SETD2: variants seen among roughly 807,000 people sequenced by gnomAD.
SETD2 encodes SET domain containing 2, histone lysine methyltransferase, also known as histone-lysine N-methyltransferase SETD2.
A neutral mutation model predicts 242.1 loss-of-function variants in SETD2; 31 were observed. The ratio of observed to expected loss-of-function variants is 0.13; its 90% CI spans 0.10 to 0.17. SETD2 has a LOEUF of 0.17. Ranked by LOEUF, SETD2 falls within the 10% of genes least tolerant of loss-of-function variation. The pLI is 1.00. For missense variants in SETD2, 2,481 were observed against 3,046.3 expected (o/e 0.81, Z 4.37); for synonymous variants, 1,006 against 1,066.5 (o/e 0.94, Z 1.11).
rs2107539885 is a variant in SETD2, at chr3:47,042,658, G to A, written c.7141C>T (p.Pro2381Ser). 1 of 1,611,982 alleles carries A rather than the reference G, an allele frequency of 6.2e-7. No individual in the cohort carries two copies. Among genetic ancestry groups the A allele is most frequent in the South Asian group, 1.1e-5 (1 of 90,740 alleles). Residue 2381 changes from proline to serine, a missense_variant, in exon 17 of 21, where the codon CCC (proline) becomes TCC (serine). Pro to Ser is a moderately conservative substitution (Grantham distance 74). Transcript: ENST00000409792. ...VTNNLLDLPP[P>S]SPPKPKTIVL... ...ATGGTTTTTGGTTTGGGAGGAGAGGGGGGCGGCAGATCCAAGAGATTATTT... is the reference window on the plus strand; with the variant it reads ...ATGGTTTTTGGTTTGGGAGGAGAGGAGGGCGGCAGATCCAAGAGATTATTT...
chr3:47,083,583 A>T (rs1228701286), intron 12 of SETD2, 137 bp downstream of exon 12: 2 of 814,412 alleles, frequency 2.5e-6, no homozygotes, highest in Admixed American at 5.1e-5. Flanking sequence ...AGACACTTAT[A>T]AATAAAACAG....
chr3:47,079,010 A>T (rs2041217813), intron 12 of SETD2, among the ~76,000 whole-genome samples: 1 of 119,948 alleles, frequency 8.3e-6, no homozygotes, highest in Non-Finnish European at 1.8e-5. Context: ...TAAAGTTCAG[A>T]AACAGAAAAC....
rs1040024726 is a variant in SETD2 at position 47,113,254 on chromosome 3, C to T, written c.4715+622G>A. 2.0e-5 allele frequency among the ~76,000 whole-genome samples: 3 copies of T among 152,046 alleles called. No individual in the cohort carries two copies. In the South Asian group the frequency reaches 6.2e-4, roughly 31 times the overall value. ...TAGCGCTGAGATTACAAGCATGAGC[C>T]ACTGCACCTGGCCTTCTCTTCTACT... On this transcript the variant is annotated intron_variant, in intron 5 of 20. Transcript: ENST00000409792.
chr3:47,072,121 A>G (rs956006043), intron 12 of SETD2, among the ~76,000 whole-genome samples: 5 of 151,930 alleles, frequency 3.3e-5, no homozygotes, highest in Admixed American at 2.6e-4. Context: ...ATCCTGGCTA[A>G]CACGGTGAAA....
chr3:47,062,352 G>A lies in SETD2; in HGVS notation c.6110-6C>T, dbSNP rs2107590187. The A allele has an allele frequency of 6.4e-7, 1 of 1,555,436 alleles. No individual in the cohort carries two copies. ...ATCCCTTCCTCGTTCAGTTGCTAAGGGAAAAGGGTGGTTTGTTTGTTTTTT... is the reference window on the plus strand; with the variant it reads ...ATCCCTTCCTCGTTCAGTTGCTAAGAGAAAAGGGTGGTTTGTTTGTTTTTT... On this transcript the variant is annotated splice_polypyrimidine_tract_variant and splice_region_variant and intron_variant, in intron 13 of 20. Coordinates refer to ENST00000409792, the MANE Select transcript of SETD2 (RefSeq NM_014159.7).
At chr3:47,103,449 T>C (rs1369595898) in intron 6 of SETD2, 26 bp from the exon 7 acceptor site, 1 of 1,467,036 alleles carries the variant, frequency 6.8e-7, no homozygotes, top group Non-Finnish European at 9.6e-7. Context: ...CATTTAAGAA[T>C]TAAAAAATAA....
At chr3:47,075,675 A>G (rs2041042351) in intron 12 of SETD2, among the ~76,000 whole-genome samples, 1 of 152,158 alleles carries the variant, frequency 6.6e-6, no homozygotes, top group South Asian at 2.1e-4. Context: ...TTGGACCAGA[A>G]AAGTGAGTGG....
intron 1 of SETD2, among the ~76,000 whole-genome samples, chr3:47,133,100 AATG>A (rs2043515599): frequency 6.6e-6 from 1 of 152,242 alleles, no homozygotes; most frequent in Non-Finnish European, 1.5e-5. Context: ...GGAAAAAAGT[AATG>A]ATGTATACAT....
At chr3:47,045,619 A>C (rs1186341580) in intron 16 of SETD2, among the ~76,000 whole-genome samples, 1 of 149,900 alleles carries the variant, frequency 6.7e-6, no homozygotes, top group Non-Finnish European at 1.5e-5. Context: ...AATCACTCGA[A>C]CCCAGGAAGT....
intron 15 of SETD2, among the ~76,000 whole-genome samples, chr3:47,048,379 A>C (rs914650525): frequency 2.0e-5 from 3 of 152,250 alleles, no homozygotes; most frequent in Middle Eastern, 3.4e-3. Context: ...ACAGAGCGAG[A>C]TGCCGTCTCA....
chr3:47,017,208 G>A lies in SETD2; in HGVS notation c.7580C>T (p.Pro2527Leu). ...MNKELKYCKN[P>L]EDLECNENVK... ...ATTCTCATTGCACTCCAGGTCCTCA[G>A]GATTCTTACAGTACTTCAGCTCCTT... The change falls in exon 21 of 21, where the codon CCT (proline) becomes CTT (leucine). Residue 2527 changes from proline to leucine, a missense_variant. By Grantham distance (98) the Pro-to-Leu change is moderately conservative (BLOSUM62 -3). Coordinates refer to ENST00000409792, the MANE Select transcript of SETD2 (RefSeq NM_014159.7). This position sits in a 1 kb window ranked among gnomAD's most constrained non-coding sequence, Gnocchi z 4.8. 9 of 1,614,088 alleles carry A rather than the reference G, an allele frequency of 5.6e-6. No individual in the cohort carries two copies. Among genetic ancestry groups the A allele is most frequent in the Non-Finnish European group, 7.6e-6 (9 of 1,180,016 alleles).
chr3:47,017,512 TG>T lies in SETD2; in HGVS notation c.7533+125del. 1 of 775,338 alleles carries T rather than the reference TG, an allele frequency of 1.3e-6. No individual in the cohort carries two copies. The highest frequency in any genetic ancestry group is 2.1e-6 in the Non-Finnish European group (1 of 471,504). 48.0% of individuals were successfully genotyped at this position (775,338 alleles called of 1,614,324 possible). A position where few individuals can be genotyped will look rare whatever the true frequency, so the allele number is the denominator to read the frequency against. Reference sequence around the variant, plus strand: ...TCCCCAAACCTTCCCTCCCCGTTCCTGGGTCCCCAGCTCTGACATCTGACAA... The same window carrying T: ...TCCCCAAACCTTCCCTCCCCGTTCCTGGTCCCCAGCTCTGACATCTGACAA... On this transcript the variant is annotated intron_variant, in intron 20 of 20. Coordinates refer to ENST00000409792, the MANE Select transcript of SETD2 (RefSeq NM_014159.7). The surrounding 1 kb of genome is among the most constrained non-coding windows in gnomAD (Gnocchi z 4.8).
Position 47,163,994 on chromosome 3 carries a change from G to T in SETD2, c.-70C>A. 1 of 1,238,870 alleles carries T rather than the reference G, an allele frequency of 8.1e-7. No homozygotes were observed. Among genetic ancestry groups the T allele is most frequent in the Non-Finnish European group, 1.0e-6 (1 of 986,114 alleles). The allele number at this position is 1,238,870 out of a possible 1,614,324, so 76.7% of individuals were successfully genotyped here. On this transcript the variant is annotated 5_prime_UTR_variant, in exon 1 of 21. Transcript: ENST00000409792. ...GGGCGACGCGGGGGAGGGGAGGGGA[G>T]GAGGCCGCAGGTCCGACCGCGGCGG...
At chr3:47,074,009 C>T (rs777721236) in intron 12 of SETD2, among the ~76,000 whole-genome samples, 3 of 152,188 alleles carry the variant, frequency 2.0e-5, no homozygotes, top group Non-Finnish European at 4.4e-5. Flanking sequence ...CATATTCCTA[C>T]GTGTGAATGT....
At chr3:47,133,204 G>A (rs180790306) in intron 1 of SETD2, among the ~76,000 whole-genome samples, 1 of 152,018 alleles carries the variant, frequency 6.6e-6, no homozygotes. Context: ...AAATCTCTGT[G>A]TTTTAAAAAA....
At chr3:47,135,767 G>C (rs571184896) in intron 1 of SETD2, among the ~76,000 whole-genome samples, 1 of 152,062 alleles carries the variant, frequency 6.6e-6, no homozygotes, top group Non-Finnish European at 1.5e-5. Flanking sequence ...CTCAATTGAC[G>C]ATCCCACCAC....
intron 18 of SETD2, among the ~76,000 whole-genome samples, chr3:47,025,909 T>A (rs2038454502): frequency 6.6e-6 from 1 of 152,140 alleles, no homozygotes; most frequent in African/African-American, 2.4e-5. Context: ...AGACTTCATG[T>A]CTAAAACACC....
chr3:47,114,088 A>G, intron 4 of SETD2, 84 bp from the exon 5 acceptor site: 1 of 1,316,272 alleles, frequency 7.6e-7, no homozygotes, highest in Non-Finnish European at 1.1e-6. Context: ...TAGTATAACT[A>G]CATATATACA....
At chr3:47,130,626 C>G (rs2043454856) in intron 1 of SETD2, among the ~76,000 whole-genome samples, 1 of 152,002 alleles carries the variant, frequency 6.6e-6, no homozygotes, top group African/African-American at 2.4e-5. Context: ...GTTGATGAAA[C>G]AAGGGTATAG....
Sources: allele counts gnomAD v4.1 joint callset (sites outside exome capture counted in the v4.1 genomes callset), GRCh38; gene constraint gnomAD v4.1.1; non-coding constraint Gnocchi (gnomAD v3.1); transcripts MANE v1.5; gene names NCBI Gene and HGNC (gene_info 2026-07-23, HGNC 2026-07-21).